BMF: variants seen among roughly 807,000 people sequenced by gnomAD.
BMF encodes the protein bcl-2-modifying factor.
A neutral mutation model predicts 22.0 loss-of-function variants in BMF; 10 were observed. That is an observed-to-expected ratio of 0.45 (90% CI 0.28 to 0.77). BMF has a LOEUF of 0.77. Among genes scored for constraint, BMF ranks in the 30% least tolerant of loss-of-function variants. The pLI, the probability that BMF is intolerant of heterozygous loss-of-function variation, is 0.13. For missense variants in BMF, 206 were observed against 226.8 expected (o/e 0.91, Z 0.59); for synonymous variants, 87 against 88.1 (o/e 0.99, Z 0.07).
At chr15:40,108,498 G>T (rs1031989661) in intron 1 of BMF, 112 bp from the exon 2 acceptor site, 1 of 152,734 alleles carries the variant, frequency 6.5e-6, no homozygotes, top group Non-Finnish European at 1.5e-5. Context: ...GCCCAGGTCT[G>T]CTCAGCAGTG....
At chr15:40,094,528 T>A (rs147334974) in intron 4 of BMF, among the ~76,000 whole-genome samples, 13 of 152,278 alleles carry the variant, frequency 8.5e-5, no homozygotes, top group African/African-American at 2.6e-4. Context: ...GGATCTCCCA[T>A]CAACCTGCTC....
At chr15:40,105,588 C>T (rs972877661) in intron 3 of BMF, among the ~76,000 whole-genome samples, 1 of 152,176 alleles carries the variant, frequency 6.6e-6, no homozygotes, top group Admixed American at 6.5e-5. Flanking sequence ...AGGATCCCTC[C>T]AGGAGGGGAC....
Position 40,106,371 on chromosome 15 carries a change from A to C in BMF, c.-5-280T>G. ...ACGTTTTCTGACCTAGGCCGGTCAC[A>C]AAGTTTGACTCTGAGGGTTGTGAGC... On this transcript the variant is annotated intron_variant, in intron 2 of 4. Transcript: ENST00000354670. The surrounding 1 kb of genome is among the most constrained non-coding windows in gnomAD (Gnocchi z 4.1). 1 of 340,830 alleles carries C rather than the reference A, an allele frequency of 2.9e-6. No individual in the cohort carries two copies. Among genetic ancestry groups the C allele is most frequent in the Middle Eastern group, 7.7e-4 (1 of 1,298 alleles). The allele number at this position is 340,830 out of a possible 1,614,324, so 21.1% of individuals were successfully genotyped here.
chr15:40,092,943 G>A (rs1296703474), intron 4 of BMF, among the ~76,000 whole-genome samples: 1 of 152,206 alleles, frequency 6.6e-6, no homozygotes, highest in African/African-American at 2.4e-5. Flanking sequence ...GGCTGGACTT[G>A]GATTACTTCA....
Position 40,091,729 on chromosome 15 carries a change from T to C in BMF, c.*58A>G. On this transcript the variant is annotated 3_prime_UTR_variant, in exon 5 of 5. Transcript: ENST00000354670. ...AAGACACAGTGTCAGTCCTGCCCGATGTCCTTCCTGTTCCAGACGGTGTTC... is the reference window on the plus strand; with the variant it reads ...AAGACACAGTGTCAGTCCTGCCCGACGTCCTTCCTGTTCCAGACGGTGTTC... The C allele has an allele frequency of 3.2e-6, 4 of 1,256,292 alleles. No homozygotes were observed. Among genetic ancestry groups the C allele is most frequent in the Non-Finnish European group, 3.4e-6 (3 of 882,100 alleles). The allele number at this position is 1,256,292 out of a possible 1,614,324, so 77.8% of individuals were successfully genotyped here.
Position 40,106,274 on chromosome 15 carries a change from G to T in BMF, c.-5-183C>A. The T allele has an allele frequency of 1.5e-6, 1 of 659,868 alleles. No homozygotes were observed. The highest frequency in any genetic ancestry group is 3.1e-5 in the East Asian group (1 of 32,540). 40.9% of individuals were successfully genotyped at this position (659,868 alleles called of 1,614,324 possible). A position where few individuals can be genotyped will look rare whatever the true frequency, so the allele number is the denominator to read the frequency against. ...GGGTGACATTCACTCCCCAAATGTG[G>T]ACTGCCTGAATGTTCAGGGGCTCTC... On this transcript the variant is annotated intron_variant, in intron 2 of 4. Transcript: ENST00000354670. The surrounding 1 kb of genome is among the most constrained non-coding windows in gnomAD (Gnocchi z 4.1).
chr15:40,101,068 T>C (rs1347571753), intron 4 of BMF, among the ~76,000 whole-genome samples: 57 of 152,200 alleles, frequency 3.7e-4, no homozygotes, highest in Admixed American at 3.7e-3. Flanking sequence ...GGGGAATGAC[T>C]ATCATTCCCT....
chr15:40,093,385 G>C (rs1442800160), intron 4 of BMF, among the ~76,000 whole-genome samples: 1 of 152,258 alleles, frequency 6.6e-6, no homozygotes, highest in Admixed American at 6.5e-5. Context: ...GGGAAATCGG[G>C]CGTGCCACAG....
At position 40,088,386 on chromosome 15, in the gene BMF, C is replaced by T. The variant is rs746086851; in HGVS notation, c.*3401G>A. 2 of 152,396 alleles carry T rather than the reference C, an allele frequency of 1.3e-5. No homozygotes were observed. The highest frequency in any genetic ancestry group is 2.9e-5 in the Non-Finnish European group (2 of 68,148). 9.4% of individuals were successfully genotyped at this position (152,396 alleles called of 1,614,324 possible). On this transcript the variant is annotated 3_prime_UTR_variant, in exon 5 of 5. Transcript: ENST00000354670. ...GCCAGGATGGCCTGCTTCCAAGAGT[C>T]CTCACCTTCACACACAGAGCTGTTT...
At chr15:40,105,649 G>T (rs371295260) in intron 3 of BMF, 146 bp downstream of exon 3, 3 of 1,028,260 alleles carry the variant, frequency 2.9e-6, no homozygotes, top group Admixed American at 2.4e-5. Flanking sequence ...ATAACAAGCC[G>T]AGAGGCAGCA....
Position 40,091,671 on chromosome 15 carries a change from A to G in BMF, c.*116T>C, listed in dbSNP as rs3743130. 754 of 789,052 alleles carry G rather than the reference A, an allele frequency of 9.6e-4. 11 individuals are homozygous for G. In the East Asian group the frequency reaches 0.018, roughly 18 times the overall value. 48.9% of individuals were successfully genotyped at this position (789,052 alleles called of 1,614,324 possible). A position where few individuals can be genotyped will look rare whatever the true frequency, so the allele number is the denominator to read the frequency against. The stretch of plus-strand genomic sequence containing the variant: ...CTCAGAGAGAAATTAAAAAAAATTA[A>G]AACACAAAATAACAACAAAAAAACA... On this transcript the variant is annotated 3_prime_UTR_variant, in exon 5 of 5. Coordinates refer to ENST00000354670, the MANE Select transcript of BMF (RefSeq NM_001003940.2).
intron 4 of BMF, among the ~76,000 whole-genome samples, chr15:40,099,550 G>A (rs1048885730): frequency 2.0e-5 from 3 of 152,120 alleles, no homozygotes; most frequent in African/African-American, 7.2e-5. Context: ...AGGCCGAGAT[G>A]GGCGGATCGC....
intron 3 of BMF, 45 bp downstream of exon 3, chr15:40,105,750 T>TC (rs764823777): frequency 6.5e-7 from 1 of 1,528,462 alleles, no homozygotes; most frequent in Non-Finnish European, 8.8e-7. Flanking sequence ...TCCCCTCTTT[T>TC]CCCCCAGTCT....
In BMF at chr15:40,091,898, G is replaced by GA. The variant is rs76511640; in HGVS notation, c.454-11dup. ...TTTGGTTCTGCTGGTGCTGAAGGGA[G>GA]AAAAAAAAAAAAGACCAACATAACT... On this transcript the variant is annotated splice_polypyrimidine_tract_variant and intron_variant, in intron 4 of 4. Coordinates refer to ENST00000354670, the MANE Select transcript of BMF (RefSeq NM_001003940.2). 0.084 allele frequency: 90,033 copies of GA among 1,068,262 alleles called. 24 individuals carry two copies. The highest frequency in any genetic ancestry group is 0.099 in the South Asian group (5,593 of 56,548). 66.2% of individuals were successfully genotyped at this position (1,068,262 alleles called of 1,614,324 possible).
chr15:40,092,439 GCACACACACAGACTCACACA>G (rs1372783634), intron 4 of BMF, among the ~76,000 whole-genome samples: 2 of 147,976 alleles, frequency 1.4e-5, no homozygotes, highest in East Asian at 4.2e-4. Flanking sequence ...GTGCAAACAC[GCACACACACAGACTCACACA>G]CACACACACA....
At position 40,105,036 on chromosome 15, in the gene BMF, G is replaced by C. The variant is rs115257034; in HGVS notation, c.293-696C>G. Among the ~76,000 whole-genome samples, 991 of 152,244 alleles carry C rather than the reference G, an allele frequency of 6.5e-3. 12 individuals are homozygous for C. Among genetic ancestry groups the C allele is most frequent in the African/African-American group, 0.023 (954 of 41,532 alleles). On this transcript the variant is annotated intron_variant, in intron 3 of 4. Coordinates refer to ENST00000354670, the MANE Select transcript of BMF (RefSeq NM_001003940.2). ...CCTGCCCGCCTTATCCAACTTCTCA[G>C]ACTCCCGCCAGAACTGCTTTGCCAG...
intron 3 of BMF, among the ~76,000 whole-genome samples, chr15:40,105,554 G>A (rs924571314): frequency 3.9e-5 from 6 of 152,206 alleles, no homozygotes; most frequent in African/African-American, 1.4e-4. Context: ...GGCACAAGAT[G>A]TAAAAGGAGA....
Position 40,091,757 on chromosome 15 carries a change from G to C in BMF, c.*30C>G, listed in dbSNP as rs1377213041. ...CCTTCCTGTTCCAGACGGTGTTCCT[G>C]GTGCCCCATGTGAAGAGGGCAGCCC... On this transcript the variant is annotated 3_prime_UTR_variant, in exon 5 of 5. Coordinates refer to ENST00000354670, the MANE Select transcript of BMF (RefSeq NM_001003940.2). 2 of 1,507,412 alleles carry C rather than the reference G, an allele frequency of 1.3e-6. No individual in the cohort carries two copies. The highest frequency in any genetic ancestry group is 1.8e-6 in the Non-Finnish European group (2 of 1,094,108). The allele number at this position is 1,507,412 out of a possible 1,614,324, so 93.4% of individuals were successfully genotyped here.
intron 4 of BMF, among the ~76,000 whole-genome samples, chr15:40,098,795 C>A (rs1416257362): frequency 2.6e-5 from 4 of 152,166 alleles, no homozygotes; most frequent in African/African-American, 9.7e-5. Context: ...CATCCCATGG[C>A]AGGCCTTGGT....
Sources: gnomAD v4.1 joint callset for allele counts (sites outside exome capture counted in the v4.1 genomes callset) on GRCh38, gnomAD v4.1.1 for gene constraint, Gnocchi (gnomAD v3.1) non-coding constraint, MANE v1.5 for transcripts, NCBI Gene and HGNC (gene_info 2026-07-23, HGNC 2026-07-21) for gene names.